Variants in KDM4C observed in about 807,000 individuals in gnomAD.
KDM4C encodes lysine demethylase 4C.
In KDM4C, 81 loss-of-function variants were observed where a neutral mutation model predicts 129.3. That is an observed-to-expected ratio of 0.63 (90% CI 0.52 to 0.75). The LOEUF is 0.75. Ranked by LOEUF, KDM4C falls within the 30% of genes least tolerant of loss-of-function variation. The pLI, the probability that KDM4C is intolerant of heterozygous loss-of-function variation, is 0.00. For missense variants in KDM4C, 1,457 were observed against 1,304.0 expected (o/e 1.12, Z -1.81); for synonymous variants, 573 against 456.1 (o/e 1.26, Z -3.26).
At chr9:6,991,673 G>C (rs1386174482) in intron 12 of KDM4C, among the ~76,000 whole-genome samples, 1 of 149,708 alleles carries the variant, frequency 6.7e-6, no homozygotes, top group African/African-American at 2.4e-5. Flanking sequence ...TATCAGAGTA[G>C]GTAGATATCT....
intron 1 of KDM4C, among the ~76,000 whole-genome samples, chr9:6,781,314 G>A (rs972991822): frequency 3.3e-5 from 5 of 152,044 alleles, no homozygotes; most frequent in Non-Finnish European, 7.4e-5. Context: ...GGAAGTACAA[G>A]TTTAGGTTCC....
chr9:6,846,527 A>G (rs947667241), intron 4 of KDM4C, among the ~76,000 whole-genome samples: 4 of 150,582 alleles, frequency 2.7e-5, no homozygotes, highest in African/African-American at 9.7e-5. Flanking sequence ...AAAATTGGAG[A>G]AAGAATTTTG....
chr9:7,047,390 T>C (rs190624323), intron 16 of KDM4C, among the ~76,000 whole-genome samples: 2 of 151,902 alleles, frequency 1.3e-5, no homozygotes, highest in African/African-American at 4.8e-5. Context: ...TTAGAAAAGA[T>C]AGGGAGAAAA....
intron 1 of KDM4C, among the ~76,000 whole-genome samples, chr9:6,768,087 C>G (rs1464693933): frequency 1.3e-5 from 2 of 152,114 alleles, no homozygotes; most frequent in Non-Finnish European, 2.9e-5. Flanking sequence ...TCCCTTCTGT[C>G]TAAAATTCCC....
chr9:6,909,953 G>T (rs188658860), intron 8 of KDM4C, among the ~76,000 whole-genome samples: 1 of 152,270 alleles, frequency 6.6e-6, no homozygotes, highest in Non-Finnish European at 1.5e-5. Flanking sequence ...GAATAGAAAA[G>T]TATATGATAG....
At chr9:7,089,011 G>C (rs868699815) in intron 17 of KDM4C, among the ~76,000 whole-genome samples, 1 of 152,012 alleles carries the variant, frequency 6.6e-6, no homozygotes, top group Non-Finnish European at 1.5e-5. Context: ...AAATTGAAGT[G>C]GTGGGGGAAA....
chr9:7,044,127 T>C (rs1176953217), intron 15 of KDM4C, among the ~76,000 whole-genome samples: 2 of 151,546 alleles, frequency 1.3e-5, no homozygotes, highest in Non-Finnish European at 2.9e-5. Flanking sequence ...AAAAGGGGAG[T>C]ATCAGTGAAA....
At chr9:7,049,299 T>A in intron 17 of KDM4C, 99 bp downstream of exon 17, 1 of 540,386 alleles carries the variant, frequency 1.9e-6, no homozygotes, top group East Asian at 3.3e-5. Context: ...TATTTTCTCC[T>A]AGCTTTCTTT....
chr9:6,945,191 AGG>A (rs1563859806), intron 8 of KDM4C, among the ~76,000 whole-genome samples: 2 of 152,156 alleles, frequency 1.3e-5, no homozygotes, highest in Non-Finnish European at 1.5e-5. Context: ...CTTACACACA[AGG>A]AAGCTTGTTT....
Position 6,892,484 on chromosome 9 carries a change from G to A in KDM4C, c.784-611G>A, listed in dbSNP as rs188107503. 2.5e-4 allele frequency among the ~76,000 whole-genome samples: 38 copies of A among 152,108 alleles called. No homozygotes were observed. The East Asian group carries it at 6.6e-3, about 26-fold the overall frequency. ...TTTAAAGGCTCAGGCTTATTTATGC[G>A]AGTTATTTTAATTATACTTAAAAAT... On this transcript the variant is annotated intron_variant, in intron 7 of 21. Coordinates refer to ENST00000381309, the MANE Select transcript of KDM4C (RefSeq NM_015061.6).
intron 8 of KDM4C, among the ~76,000 whole-genome samples, chr9:6,919,883 T>A (rs1821161208): frequency 6.6e-6 from 1 of 152,094 alleles, no homozygotes. Context: ...CCATATTTAT[T>A]TTTCTATTCT....
At chr9:7,084,305 C>T (rs924177244) in intron 17 of KDM4C, among the ~76,000 whole-genome samples, 3 of 152,152 alleles carry the variant, frequency 2.0e-5, no homozygotes, top group African/African-American at 7.2e-5. Flanking sequence ...AGCCTGGGTC[C>T]TAGCTTAAGC....
At chr9:6,988,772 T>C (rs1818203706) in intron 11 of KDM4C, among the ~76,000 whole-genome samples, 1 of 152,062 alleles carries the variant, frequency 6.6e-6, no homozygotes, top group Non-Finnish European at 1.5e-5. Context: ...GTGCTATTCT[T>C]GCTCCCCCAG....
intron 8 of KDM4C, among the ~76,000 whole-genome samples, chr9:6,939,338 C>T (rs1292517031): frequency 6.6e-6 from 1 of 152,018 alleles, no homozygotes; most frequent in South Asian, 2.1e-4. Flanking sequence ...TCACTGTCTC[C>T]CATCCCCCCG....
In KDM4C at chr9:7,165,372, C is replaced by G. The variant is rs763654645; in HGVS notation, c.2901+15C>G. On this transcript the variant is annotated intron_variant, in intron 20 of 21. Coordinates refer to ENST00000381309, the MANE Select transcript of KDM4C (RefSeq NM_015061.6). ...ACATGTACCAGGTGGGTTCTTCCTTCTCTGTGATGCTTGCTAAGATTGACA... is the reference window on the plus strand; with the variant it reads ...ACATGTACCAGGTGGGTTCTTCCTTGTCTGTGATGCTTGCTAAGATTGACA... The G allele has an allele frequency of 1.2e-6, 2 of 1,612,446 alleles. No homozygotes were observed. The highest frequency in any genetic ancestry group is 2.2e-5 in the South Asian group (2 of 90,740).
chr9:7,106,620 A>G (rs1310596012), intron 18 of KDM4C, among the ~76,000 whole-genome samples: 1 of 152,180 alleles, frequency 6.6e-6, no homozygotes, highest in Non-Finnish European at 1.5e-5. Context: ...GACCATTTTA[A>G]GGAAAATTCA....
chr9:6,780,573 G>T (rs1406991614), intron 1 of KDM4C, among the ~76,000 whole-genome samples: 3 of 151,706 alleles, frequency 2.0e-5, no homozygotes, highest in African/African-American at 7.3e-5. Flanking sequence ...TCCAGGACCA[G>T]CCTGGAAACA....
rs540008855 is a variant in KDM4C at position 7,170,980 on chromosome 9, G to C, written c.2994+1090G>C. The C allele has an allele frequency of 1.9e-3, 329 of 174,834 alleles. 3 individuals carry two copies. Among genetic ancestry groups the C allele is most frequent in the African/African-American group, 7.5e-3 (311 of 41,332 alleles). 10.8% of individuals were successfully genotyped at this position (174,834 alleles called of 1,614,324 possible). A position where few individuals can be genotyped will look rare whatever the true frequency, so the allele number is the denominator to read the frequency against. ...ATGTTTTAAGCAAGTTTACAGATTT[G>C]TGTTTGGCCGCGTTAAAGCCATCCT... On this transcript the variant is annotated intron_variant, in intron 21 of 21. Coordinates refer to ENST00000381309, the MANE Select transcript of KDM4C (RefSeq NM_015061.6).
intron 5 of KDM4C, among the ~76,000 whole-genome samples, chr9:6,878,244 T>C (rs560594633): frequency 1.3e-5 from 2 of 152,332 alleles, no homozygotes; most frequent in East Asian, 1.9e-4. Flanking sequence ...CTTTGATTAT[T>C]TCTGAAGCTA....
Sources: allele counts gnomAD v4.1 joint callset (sites outside exome capture counted in the v4.1 genomes callset), GRCh38; gene constraint gnomAD v4.1.1; transcripts MANE v1.5; gene names NCBI Gene and HGNC (gene_info 2026-07-23, HGNC 2026-07-21).